The following ZFHX3 variants were observed in gnomAD, a reference collection of about 807,000 sequenced individuals.
ZFHX3 encodes zinc finger homeobox 3.
ZFHX3 carries 42 observed loss-of-function variants against 279.1 expected under a neutral mutation model. The ratio of observed to expected loss-of-function variants is 0.15; its 90% CI spans 0.12 to 0.19. The LOEUF is 0.19. ZFHX3 is among the 10% of genes least tolerant of loss of function. The pLI, the probability that ZFHX3 is intolerant of heterozygous loss-of-function variation, is 1.00. For missense variants in ZFHX3, 4,981 were observed against 4,754.0 expected, an observed-to-expected ratio of 1.05 and a Z score of -1.40; for synonymous variants, 2,293 against 1,957.8, an observed-to-expected ratio of 1.17 and a Z score of -4.52.
chr16:73,715,019 C>A (rs758584076), intron 1 of ZFHX3, among the ~76,000 whole-genome samples: 1 of 152,140 alleles, frequency 6.6e-6, no homozygotes, highest in Non-Finnish European at 1.5e-5. Flanking sequence ...TTTTTCTCTG[C>A]CCTCCCTACC....
At chr16:73,755,208 T>C (rs1268732313) in intron 1 of ZFHX3, among the ~76,000 whole-genome samples, 1 of 152,198 alleles carries the variant, frequency 6.6e-6, no homozygotes, top group Non-Finnish European at 1.5e-5. Context: ...TACTCAAAGA[T>C]CCTTTGTTAT....
intron 5 of ZFHX3, chr16:73,234,012 T>C (rs572851399): frequency 5.2e-5 from 8 of 152,500 alleles, no homozygotes; most frequent in African/African-American, 1.9e-4. Flanking sequence ...CGCATGTGTT[T>C]GGCATTCATA....
At chr16:73,669,232 T>G (rs901195774) in intron 2 of ZFHX3, among the ~76,000 whole-genome samples, 3 of 152,160 alleles carry the variant, frequency 2.0e-5, no homozygotes, top group African/African-American at 7.2e-5. Flanking sequence ...TTTTGTATTT[T>G]TAGTAGAGAT....
At chr16:73,219,755 T>A (rs1049426099) in intron 5 of ZFHX3, among the ~76,000 whole-genome samples, 2 of 152,152 alleles carry the variant, frequency 1.3e-5, no homozygotes, top group Admixed American at 1.3e-4. Flanking sequence ...CCCCAGTCAG[T>A]AGGGTCCCAG....
At chr16:73,703,768 C>G (rs1394353208) in intron 1 of ZFHX3, among the ~76,000 whole-genome samples, 1 of 152,120 alleles carries the variant, frequency 6.6e-6, no homozygotes. Flanking sequence ...TAGGAAAGCA[C>G]AGACAGGCAA....
chr16:73,797,718 T>G (rs9930324), intron 1 of ZFHX3, among the ~76,000 whole-genome samples: 6,590 of 152,030 alleles, frequency 0.043, 509 homozygotes, highest in African/African-American at 0.15. Context: ...TGGCTCTGCA[T>G]GACCTTCAGT....
At chr16:73,222,878 A>G (rs751094820) in intron 5 of ZFHX3, among the ~76,000 whole-genome samples, 2 of 152,162 alleles carry the variant, frequency 1.3e-5, no homozygotes, top group Non-Finnish European at 2.9e-5. Context: ...AGACAAATAG[A>G]TCACTGGAAC....
At chr16:73,076,758 C>G (rs1965889766) in intron 8 of ZFHX3, among the ~76,000 whole-genome samples, 1 of 152,126 alleles carries the variant, frequency 6.6e-6, no homozygotes. Flanking sequence ...GACAGAGAAG[C>G]CTGAGAACCG....
chr16:73,881,841 A>ATAT (rs1248472752), intron 1 of ZFHX3, among the ~76,000 whole-genome samples: 1 of 152,098 alleles, frequency 6.6e-6, no homozygotes, highest in East Asian at 1.9e-4. Flanking sequence ...TTCTCTGCAG[A>ATAT]TATTACCTGA....
intron 1 of ZFHX3, among the ~76,000 whole-genome samples, chr16:73,797,198 T>C (rs1001883988): frequency 1.5e-5 from 2 of 130,030 alleles, no homozygotes; most frequent in African/African-American, 6.9e-5. Flanking sequence ...AGTGAAACTC[T>C]ATCTCAAAAA....
chr16:73,550,770 A>C (rs2143769727), intron 2 of ZFHX3, among the ~76,000 whole-genome samples: 1 of 152,336 alleles, frequency 6.6e-6, no homozygotes. Context: ...TTTCCCAGGG[A>C]AGTAGAGAAG....
At chr16:72,944,517 A>T (rs994346943) in intron 3 of ZFHX3, among the ~76,000 whole-genome samples, 1 of 152,244 alleles carries the variant, frequency 6.6e-6, no homozygotes, top group African/African-American at 2.4e-5. Flanking sequence ...ATACTTAAAG[A>T]TGTAAAAAAG....
chr16:73,155,416 A>G (rs1967054182), intron 5 of ZFHX3, among the ~76,000 whole-genome samples: 1 of 152,184 alleles, frequency 6.6e-6, no homozygotes, highest in Non-Finnish European at 1.5e-5. Context: ...CAGAGTGGAA[A>G]TTCAGCCCTT....
intron 8 of ZFHX3, among the ~76,000 whole-genome samples, chr16:73,090,834 C>G (rs1287642908): frequency 1.3e-5 from 2 of 149,096 alleles, no homozygotes; most frequent in Non-Finnish European, 2.9e-5. Flanking sequence ...TCACTTGAGC[C>G]CAAGAGGTCA....
intron 1 of ZFHX3, among the ~76,000 whole-genome samples, chr16:73,793,245 G>C (rs1234587063): frequency 6.6e-6 from 1 of 152,194 alleles, no homozygotes; most frequent in Non-Finnish European, 1.5e-5. Context: ...CAGCAAGAAA[G>C]CTTTCAACCA....
At chr16:73,317,660 C>G (rs1029351421) in intron 4 of ZFHX3, among the ~76,000 whole-genome samples, 3 of 152,130 alleles carry the variant, frequency 2.0e-5, no homozygotes, top group Non-Finnish European at 4.4e-5. Flanking sequence ...AGCAGTACCT[C>G]GTAAGGATGC....
At chr16:73,314,113 C>T (rs1356567462) in intron 4 of ZFHX3, among the ~76,000 whole-genome samples, 1 of 152,106 alleles carries the variant, frequency 6.6e-6, no homozygotes, top group Non-Finnish European at 1.5e-5. Context: ...GAAAAAAAAT[C>T]TGGTGAGCTT....
chr16:73,185,112 G>C (rs1967882425), intron 5 of ZFHX3, among the ~76,000 whole-genome samples: 1 of 151,976 alleles, frequency 6.6e-6, no homozygotes, highest in Non-Finnish European at 1.5e-5. Context: ...CTGGTAGCTG[G>C]GACTACATGT....
At chr16:73,370,327 G>T (rs146108792) in intron 3 of ZFHX3, among the ~76,000 whole-genome samples, 7 of 152,282 alleles carry the variant, frequency 4.6e-5, no homozygotes, top group Non-Finnish European at 1.0e-4. Flanking sequence ...AAAGCCATTT[G>T]ATTTTTTTAT....
Sources: gnomAD v4.1 joint callset for allele counts (sites outside exome capture counted in the v4.1 genomes callset) on GRCh38, gnomAD v4.1.1 for gene constraint, MANE v1.5 for transcripts, NCBI Gene and HGNC (gene_info 2026-07-23, HGNC 2026-07-21) for gene names.